HECTD4: variants seen among roughly 807,000 people sequenced by gnomAD.
HECTD4 encodes probable E3 ubiquitin-protein ligase HECTD4.
A neutral mutation model predicts 471.5 loss-of-function variants in HECTD4; 114 were observed. That is an observed-to-expected ratio of 0.24 (90% CI 0.21 to 0.28). HECTD4 has a LOEUF of 0.28. Among genes scored for constraint, HECTD4 ranks in the 10% least tolerant of loss-of-function variants. The pLI is 1.00. For missense variants in HECTD4, 3,866 were observed against 5,651.5 expected (o/e 0.68, Z 10.13); for synonymous variants, 2,012 against 2,256.0 (o/e 0.89, Z 3.07).
At position 112,306,120 on chromosome 12, in the gene HECTD4, G is replaced by T. The variant is rs752518708; in HGVS notation, c.1279C>A (p.Leu427Met). ...TGTCCCTTCGGTGTTTTCTCATTCAGGCTGGCAGGAGACCAGATCCAATAG... is the reference window on the plus strand; with the variant it reads ...TGTCCCTTCGGTGTTTTCTCATTCATGCTGGCAGGAGACCAGATCCAATAG... ...YFYWIWSPASLNEKTPKGHSV... is the reference protein window; with the variant it reads ...YFYWIWSPASMNEKTPKGHSV... Residue 427 changes from leucine (L) to methionine (M), a missense_variant, in exon 7 of 76, where the codon CTG (leucine) becomes ATG (methionine). This residue lies in a region of HECTD4 where 440 missense variants were observed against 636.0 expected (regional missense o/e 0.69). Transcript: ENST00000682272. 6.2e-7 allele frequency: 1 copy of T among 1,613,082 alleles called. No individual in the cohort carries two copies. The highest frequency in any genetic ancestry group is 8.5e-7 in the Non-Finnish European group (1 of 1,179,622).
At chr12:112,275,019 T>C (rs1339577995) in intron 9 of HECTD4, 59 bp from the exon 10 acceptor site, 1 of 1,029,418 alleles carries the variant, frequency 9.7e-7, no homozygotes, top group African/African-American at 1.6e-5. Context: ...AAAGTTTAAA[T>C]TTTAGGCTTT....
intron 1 of HECTD4, among the ~76,000 whole-genome samples, chr12:112,332,214 ATCCCTGGATG>A: frequency 6.6e-6 from 1 of 152,226 alleles, no homozygotes. Context: ...GTGCATCAAA[ATCCCTGGATG>A]TGCTCACTTT....
rs745889971 is a variant in HECTD4 at position 112,166,014 on chromosome 12, C to T, written c.12534+1303G>A. 7.2e-5 allele frequency among the ~76,000 whole-genome samples: 11 copies of T among 152,228 alleles called. No homozygotes were observed. Among genetic ancestry groups the T allele is most frequent in the African/African-American group, 9.6e-5 (4 of 41,454 alleles). On this transcript the variant is annotated intron_variant, in intron 72 of 75. Transcript: ENST00000682272. The surrounding 1 kb of genome is among the most constrained non-coding windows in gnomAD (Gnocchi z 4.6). ...CTTCTTCCTAGTATGCACCCCACAA[C>T]ACCATGTGGTTCTGCATCCCATACC...
At chr12:112,339,993 G>A (rs1360674165) in intron 1 of HECTD4, among the ~76,000 whole-genome samples, 1 of 151,390 alleles carries the variant, frequency 6.6e-6, no homozygotes, top group African/African-American at 2.4e-5. Context: ...TGGTTGCAGT[G>A]AGCCAAGATT....
Position 112,217,071 on chromosome 12 carries a change from C to A in HECTD4, c.7199G>T (p.Gly2400Val). The A allele has an allele frequency of 6.3e-7, 1 of 1,583,712 alleles. No individual in the cohort carries two copies. Among genetic ancestry groups the A allele is most frequent in the South Asian group, 1.2e-5 (1 of 86,292 alleles). ...TGGTGAAGTGGCATAGATAAAAGTG[C>A]CCCGGGGCAGGCCTCCCCCAGCGCT... is the stretch of plus-strand genomic sequence containing the variant. Reference protein sequence around the residue: ...DPSAGGGLPRGTFIYATSPLP... With the variant: ...DPSAGGGLPRVTFIYATSPLP... The change falls in exon 46 of 76, where the codon GGC becomes GTC. Residue 2400 changes from glycine to valine, a missense_variant. Coordinates refer to ENST00000682272, the MANE Select transcript of HECTD4 (RefSeq NM_001388303.1).
intron 7 of HECTD4, among the ~76,000 whole-genome samples, chr12:112,295,473 C>T (rs2034986972): frequency 6.7e-6 from 1 of 150,262 alleles, no homozygotes; most frequent in Non-Finnish European, 1.5e-5. Context: ...TGAAGTGATC[C>T]TTCTACCTCA....
Position 112,281,644 on chromosome 12 carries a change from C to G in HECTD4, c.1528+1466G>C, listed in dbSNP as rs7967346. On this transcript the variant is annotated intron_variant, in intron 8 of 75. Coordinates refer to ENST00000682272, the MANE Select transcript of HECTD4 (RefSeq NM_001388303.1). Reference sequence around the variant, plus strand: ...AAACTATTAACAATTTTGCCACTTACCTTTGATACAAAAGAAGCCTGTGAA... The same window carrying G: ...AAACTATTAACAATTTTGCCACTTAGCTTTGATACAAAAGAAGCCTGTGAA... Among the ~76,000 whole-genome samples, 8 of 152,248 alleles carry G rather than the reference C, an allele frequency of 5.3e-5. No individual in the cohort carries two copies. In the East Asian group the frequency reaches 1.5e-3, roughly 29 times the overall value.
chr12:112,376,479 C>T (rs2036784091), intron 1 of HECTD4, among the ~76,000 whole-genome samples: 1 of 152,128 alleles, frequency 6.6e-6, no homozygotes, highest in Admixed American at 6.5e-5. Flanking sequence ...ATCTCCTGAC[C>T]TCGTGATCTG....
At chr12:112,298,303 A>G (rs2035085592) in intron 7 of HECTD4, among the ~76,000 whole-genome samples, 1 of 152,082 alleles carries the variant, frequency 6.6e-6, no homozygotes, top group Non-Finnish European at 1.5e-5. Context: ...AAAGTTGTTA[A>G]CACAGAAGAA....
chr12:112,261,408 C>T lies in HECTD4; in HGVS notation c.2770G>A (p.Ala924Thr). The change falls in exon 18 of 76, where the codon GCT becomes ACT. Residue 924 changes from alanine to threonine, a missense_variant. Coordinates refer to ENST00000682272, the MANE Select transcript of HECTD4 (RefSeq NM_001388303.1). ...CCAGTCAGGATTTGGGTGGCAAGAG[C>T]CAAAATACTGACTTTTAGCTCCTAG... ...KVQELKVSIL[A>T]LATQILTGCD... is the part of the protein sequence containing the mutation. 6.2e-7 allele frequency: 1 copy of T among 1,608,466 alleles called. No homozygotes were observed. Among genetic ancestry groups the T allele is most frequent in the Admixed American group, 1.7e-5 (1 of 59,900 alleles).
intron 1 of HECTD4, among the ~76,000 whole-genome samples, chr12:112,376,667 T>C (rs1430998618): frequency 1.3e-5 from 2 of 152,194 alleles, no homozygotes; most frequent in Non-Finnish European, 1.5e-5. Flanking sequence ...GGCTCAGACC[T>C]CCAAATATGC....
At chr12:112,253,273 C>CT (rs2033936193) in intron 22 of HECTD4, among the ~76,000 whole-genome samples, 1 of 152,038 alleles carries the variant, frequency 6.6e-6, no homozygotes. Flanking sequence ...GACAGACACA[C>CT]ACCACCACGC....
chr12:112,333,611 G>A (rs893556978), intron 1 of HECTD4, among the ~76,000 whole-genome samples: 1 of 152,012 alleles, frequency 6.6e-6, no homozygotes, highest in East Asian at 1.9e-4. Flanking sequence ...ACTTTGGGAG[G>A]CCAAGGAGGG....
chr12:112,304,192 T>A (rs2135679305), intron 7 of HECTD4, among the ~76,000 whole-genome samples: 1 of 150,272 alleles, frequency 6.7e-6, no homozygotes, highest in South Asian at 2.1e-4. Context: ...TATCAGAGAA[T>A]CAGGGAATTC....
In HECTD4 at chr12:112,331,353, G is replaced by A. The variant is rs1400081801; in HGVS notation, c.178-11611C>T. On this transcript the variant is annotated intron_variant, in intron 1 of 75. Coordinates refer to ENST00000682272, the MANE Select transcript of HECTD4 (RefSeq NM_001388303.1). ...CCCAAAGTGCTGGGATTACAGGCAT[G>A]AGCCACCACACCTTGTCCAGCATCA... 3.9e-5 allele frequency among the ~76,000 whole-genome samples: 6 copies of A among 152,320 alleles called. No homozygotes were observed. The South Asian group carries it at 1.2e-3, about 32-fold the overall frequency.
chr12:112,246,706 T>A (rs748747245), intron 29 of HECTD4, among the ~76,000 whole-genome samples, 195 bp downstream of exon 29: 2 of 152,132 alleles, frequency 1.3e-5, no homozygotes. Context: ...TATTTCTTTG[T>A]TTTTCTTTTG....
At position 112,202,282 on chromosome 12, in the gene HECTD4, C is replaced by T. The variant is rs544862362; in HGVS notation, c.8406+1354G>A. The stretch of plus-strand genomic sequence containing the variant: ...GTGCCATGGCATGATCTCGGCTCAC[C>T]GCAACCTCTGTCTCTGGGGTTCAAG... On this transcript the variant is annotated intron_variant, in intron 54 of 75. Transcript: ENST00000682272. Among the ~76,000 whole-genome samples the T allele has an allele frequency of 9.9e-5, 15 of 151,952 alleles. No individual in the cohort carries two copies. In the South Asian group the frequency reaches 3.1e-3, roughly 32 times the overall value.
At chr12:112,277,770 G>A (rs975189147) in intron 9 of HECTD4, among the ~76,000 whole-genome samples, 4 of 152,042 alleles carry the variant, frequency 2.6e-5, no homozygotes, top group Non-Finnish European at 2.9e-5. Flanking sequence ...TATTTACATC[G>A]AGGGAAAAAT....
chr12:112,313,447 T>C (rs2035410729), intron 3 of HECTD4, among the ~76,000 whole-genome samples: 1 of 148,758 alleles, frequency 6.7e-6, no homozygotes, highest in South Asian at 2.1e-4. Flanking sequence ...CCAGAGTAGA[T>C]GGGACCACAG....
Sources: gnomAD v4.1 joint callset for allele counts (sites outside exome capture counted in the v4.1 genomes callset) on GRCh38, gnomAD v4.1.1 for gene constraint, gnomAD v4.1.1 regional missense constraint, Gnocchi (gnomAD v3.1) non-coding constraint, MANE v1.5 for transcripts, NCBI Gene and HGNC (gene_info 2026-07-23, HGNC 2026-07-21) for gene names.